CAMK1D: variants seen among roughly 807,000 people sequenced by gnomAD.
The protein encoded by CAMK1D is calcium/calmodulin-dependent protein kinase type 1D.
Under a neutral mutation model 47.7 loss-of-function variants are expected in CAMK1D, and 9 were observed. The ratio of observed to expected loss-of-function variants is 0.19; its 90% CI spans 0.11 to 0.33. The LOEUF (loss-of-function observed/expected upper bound fraction) is 0.33. Ranked by LOEUF, CAMK1D falls within the 10% of genes least tolerant of loss-of-function variation. The pLI is 1.00. For missense variants in CAMK1D, 291 were observed against 488.7 expected (o/e 0.60, Z 3.81); for synonymous variants, 184 against 184.9 (o/e 0.99, Z 0.04).
intron 2 of CAMK1D, among the ~76,000 whole-genome samples, chr10:12,566,224 C>A (rs1221822609): frequency 2.0e-5 from 3 of 152,130 alleles, no homozygotes; most frequent in Non-Finnish European, 4.4e-5. Flanking sequence ...GGACATCTTG[C>A]TAGACAGCGG....
chr10:12,754,875 A>G (rs771714607), intron 3 of CAMK1D, among the ~76,000 whole-genome samples: 1 of 152,180 alleles, frequency 6.6e-6, no homozygotes, highest in Non-Finnish European at 1.5e-5. Context: ...TAAAGGCCCT[A>G]TCTCCAAATA....
chr10:12,445,006 G>C (rs1212167974), intron 1 of CAMK1D, among the ~76,000 whole-genome samples: 1 of 152,200 alleles, frequency 6.6e-6, no homozygotes, highest in Non-Finnish European at 1.5e-5. Flanking sequence ...ATATGTCAAA[G>C]AAATGTGTGT....
intron 2 of CAMK1D, among the ~76,000 whole-genome samples, chr10:12,581,453 G>T (rs895040482): frequency 4.6e-5 from 7 of 152,026 alleles, no homozygotes; most frequent in African/African-American, 1.4e-4. Context: ...AGTTGTTCAG[G>T]GAATCTCCAC....
intron 1 of CAMK1D, among the ~76,000 whole-genome samples, chr10:12,393,318 A>C (rs143222043): frequency 1.3e-3 from 196 of 152,298 alleles, no homozygotes; most frequent in African/African-American, 4.4e-3. Flanking sequence ...GGCGTGAGAC[A>C]CTGCGCCTGG....
intron 5 of CAMK1D, among the ~76,000 whole-genome samples, chr10:12,776,158 T>A (rs112585350): frequency 1.3e-5 from 2 of 151,990 alleles, no homozygotes; most frequent in Non-Finnish European, 2.9e-5. Context: ...ACAAAAGTGA[T>A]GAGAAGCTAT....
At chr10:12,462,452 C>CT (rs1833462916) in intron 1 of CAMK1D, among the ~76,000 whole-genome samples, 2 of 148,046 alleles carry the variant, frequency 1.4e-5, no homozygotes, top group Non-Finnish European at 3.0e-5. Context: ...GCATGAGCCA[C>CT]TGCGCCTGGC....
chr10:12,781,846 C>T (rs776480224), intron 5 of CAMK1D, among the ~76,000 whole-genome samples: 1 of 152,070 alleles, frequency 6.6e-6, no homozygotes, highest in African/African-American at 2.4e-5. Context: ...CAGGGTTTTA[C>T]CATGTTGGCC....
chr10:12,462,614 G>C (rs1050879944), intron 1 of CAMK1D, among the ~76,000 whole-genome samples: 1 of 152,172 alleles, frequency 6.6e-6, no homozygotes, highest in Non-Finnish European at 1.5e-5. Context: ...ATTGCTGTTA[G>C]CATGCATTAT....
At chr10:12,368,168 C>T (rs1415516527) in intron 1 of CAMK1D, among the ~76,000 whole-genome samples, 1 of 148,886 alleles carries the variant, frequency 6.7e-6, no homozygotes, top group Non-Finnish European at 1.5e-5. Context: ...GTCCGCAGTC[C>T]GGCCTGGGCG....
chr10:12,391,696 G>A (rs1219916156), intron 1 of CAMK1D, among the ~76,000 whole-genome samples: 3 of 152,140 alleles, frequency 2.0e-5, no homozygotes, highest in Non-Finnish European at 2.9e-5. Context: ...GTACCAGCAG[G>A]TGAATTTGAG....
chr10:12,470,406 T>G (rs1172331401), intron 1 of CAMK1D, among the ~76,000 whole-genome samples: 1 of 152,216 alleles, frequency 6.6e-6, no homozygotes, highest in Admixed American at 6.5e-5. Context: ...GTATTGTGTG[T>G]TGTTTCTTCC....
chr10:12,425,942 A>G (rs1329250466), intron 1 of CAMK1D, among the ~76,000 whole-genome samples: 1 of 152,214 alleles, frequency 6.6e-6, no homozygotes. Flanking sequence ...AAACAGACTA[A>G]AAAATTCTCA....
At chr10:12,496,211 A>T (rs1334706428) in intron 1 of CAMK1D, among the ~76,000 whole-genome samples, 3 of 152,194 alleles carry the variant, frequency 2.0e-5, no homozygotes, top group Non-Finnish European at 4.4e-5. Flanking sequence ...CAATGTCTTT[A>T]TGAAGTTGGT....
chr10:12,769,873 A>G (rs1364417668), intron 5 of CAMK1D, 74 bp downstream of exon 5: 1 of 1,539,194 alleles, frequency 6.5e-7, no homozygotes, highest in East Asian at 2.3e-5. Flanking sequence ...CCACGTGTCA[A>G]CTCATCAGTT....
intron 3 of CAMK1D, among the ~76,000 whole-genome samples, chr10:12,706,615 T>C (rs1476222750): frequency 6.6e-6 from 1 of 152,084 alleles, no homozygotes; most frequent in Non-Finnish European, 1.5e-5. Context: ...CCTGGGAGGC[T>C]GAGGTGGGAG....
intron 1 of CAMK1D, among the ~76,000 whole-genome samples, chr10:12,427,494 C>T (rs1408389868): frequency 6.6e-6 from 1 of 152,076 alleles, no homozygotes; most frequent in Middle Eastern, 3.2e-3. Flanking sequence ...GCCTGGGTGA[C>T]ACCGTCTGCC....
intron 3 of CAMK1D, among the ~76,000 whole-genome samples, chr10:12,729,104 G>T (rs1834778100): frequency 6.6e-6 from 1 of 152,186 alleles, no homozygotes; most frequent in Non-Finnish European, 1.5e-5. Flanking sequence ...ATGTCATCGT[G>T]GTTGGGCACC....
intron 1 of CAMK1D, among the ~76,000 whole-genome samples, chr10:12,465,314 GGTT>G (rs1173269843): frequency 6.6e-6 from 1 of 151,974 alleles, no homozygotes; most frequent in Non-Finnish European, 1.5e-5. Context: ...ATTCTACTTT[GGTT>G]GTTAATTCTT....
chr10:12,576,438 A>G (rs1233353314), intron 2 of CAMK1D, among the ~76,000 whole-genome samples: 2 of 152,122 alleles, frequency 1.3e-5, no homozygotes, highest in African/African-American at 2.4e-5. Flanking sequence ...ATTCATGTGC[A>G]TTACATTTAT....
Sources: gnomAD v4.1 joint callset for allele counts (sites outside exome capture counted in the v4.1 genomes callset) on GRCh38, gnomAD v4.1.1 for gene constraint, MANE v1.5 for transcripts, NCBI Gene and HGNC (gene_info 2026-07-23, HGNC 2026-07-21) for gene names.